The following EEF1E1 variants were observed in gnomAD, a reference collection of about 807,000 sequenced individuals.
The protein encoded by EEF1E1 is eukaryotic translation elongation factor 1 epsilon 1, also known as eukaryotic translation elongation factor 1 epsilon-1.
Under a neutral mutation model 19.9 loss-of-function variants are expected in EEF1E1, and 19 were observed. The ratio of observed to expected loss-of-function variants is 0.95; its 90% CI spans 0.66 to 1.40. EEF1E1 has a LOEUF of 1.40. EEF1E1 is among the 40% of genes most tolerant of loss of function. The pLI is 0.00. For synonymous variants in EEF1E1, 81 were observed against 80.0 expected (o/e 1.01, Z -0.07); for missense variants, 198 against 202.2 (o/e 0.98, Z 0.13).
intron 2 of EEF1E1, 83 bp downstream of exon 2, chr6:8,097,182 AAC>A: frequency 7.3e-7 from 1 of 1,376,070 alleles, no homozygotes; most frequent in Non-Finnish European, 1.0e-6. Context: ...GAAGAAGGCC[AAC>A]AGCTACAGCT....
intron 3 of EEF1E1, among the ~76,000 whole-genome samples, chr6:8,084,211 T>C (rs1383832721): frequency 1.3e-5 from 2 of 152,230 alleles, no homozygotes; most frequent in East Asian, 3.8e-4. Context: ...TGTAAACACA[T>C]ACAGAATGCT....
rs930078305 is a variant in EEF1E1, at chr6:8,073,379, T to C, written c.*96A>G. ...CACAAGTTAATTAAGCAGAATTTTA[T>C]GGCACTCCATGTAGAGTAGTTTACA... On this transcript the variant is annotated 3_prime_UTR_variant, in exon 4 of 4. Coordinates refer to the EEF1E1 transcript ENST00000429723. 2.0e-6 allele frequency: 3 copies of C among 1,476,836 alleles called. No individual in the cohort carries two copies. The African/African-American group carries it at 4.3e-5, about 21-fold the overall frequency. The allele number at this position is 1,476,836 out of a possible 1,614,324, so 91.5% of individuals were successfully genotyped here.
intron 1 of EEF1E1, among the ~76,000 whole-genome samples, chr6:8,098,815 G>C (rs1758246334): frequency 6.6e-6 from 1 of 152,150 alleles, no homozygotes; most frequent in South Asian, 2.1e-4. Flanking sequence ...GAGGAAAAAA[G>C]AGAAATCAAG....
chr6:8,099,788 ACAC>A lies in EEF1E1; in HGVS notation c.88-2324_88-2322del, dbSNP rs1427756007. 4.2e-3 allele frequency among the ~76,000 whole-genome samples: 518 copies of A among 124,422 alleles called. 18 individuals carry two copies. The highest frequency in any genetic ancestry group is 0.012 in the African/African-American group (367 of 29,756). The allele number at this position is 124,422 out of a possible 152,430, so 81.6% of individuals were successfully genotyped here. On this transcript the variant is annotated intron_variant, in intron 1 of 3. Transcript: ENST00000379715. ...CACACACACACACACACACACACAC[ACAC>A]AAAAAAAAAACAGAACCCTCTATAA...
In EEF1E1 at chr6:8,097,290, T is replaced by C; in HGVS notation, c.265A>G (p.Asn89Asp). 1 of 1,614,178 alleles carries C rather than the reference T, an allele frequency of 6.2e-7. No individual in the cohort carries two copies. Among genetic ancestry groups the C allele is most frequent in the South Asian group, 1.1e-5 (1 of 91,088 alleles). The change falls in exon 2 of 4, where the codon AAT becomes GAT. Residue 89 changes from asparagine (N) to aspartate (D), a missense_variant. Coordinates refer to ENST00000379715, the MANE Select transcript of EEF1E1 (RefSeq NM_004280.5). ...VTQVDGHSSK[N>D]DIHTLLKDLN... ...ACCTTCAACAGTGTGTGGATGTCAT[T>C]TTTACTGGAGTGCCCATCTACTTGA...
In EEF1E1 at chr6:8,090,337, T is replaced by C. The variant is rs1171453802; in HGVS notation, c.289-56A>G. On this transcript the variant is annotated intron_variant, in intron 2 of 3. Coordinates refer to ENST00000379715, the MANE Select transcript of EEF1E1 (RefSeq NM_004280.5). ...ATGTAAAAAACAGTAATAATAAAGT[T>C]AATTATCATATCATGACTTAAAAGA... 17 of 1,224,212 alleles carry C rather than the reference T, an allele frequency of 1.4e-5. No homozygotes were observed. In the Admixed American group the frequency reaches 1.6e-4, roughly 12 times the overall value. 75.8% of individuals were successfully genotyped at this position (1,224,212 alleles called of 1,614,324 possible). A position where few individuals can be genotyped will look rare whatever the true frequency, so the allele number is the denominator to read the frequency against.
At chr6:8,076,660 T>G (rs1254040677), downstream of EEF1E1, among the ~76,000 whole-genome samples, 3 of 152,216 alleles carry the variant, frequency 2.0e-5, no homozygotes. Flanking sequence ...ACTTGAAAGT[T>G]GAAATTATTC....
intron 2 of EEF1E1, among the ~76,000 whole-genome samples, chr6:8,092,869 C>CTTTTTTTTTTTTT (rs942764776): frequency 1.1e-5 from 1 of 93,772 alleles, no homozygotes; most frequent in Non-Finnish European, 2.0e-5. Flanking sequence ...ATAAAGACTG[C>CTTTTTTTTTTTTT]TTTTTTTTTT....
intron 3 of EEF1E1, among the ~76,000 whole-genome samples, chr6:8,087,227 G>C (rs1403856639): frequency 6.6e-6 from 1 of 152,166 alleles, no homozygotes. Context: ...GCAGGAGTCA[G>C]ATGAATTAAG....
intron 3 of EEF1E1, 163 bp downstream of exon 3, chr6:8,090,023 G>A (rs1338943579): frequency 2.3e-6 from 1 of 433,794 alleles, no homozygotes; most frequent in African/African-American, 2.0e-5. Flanking sequence ...GGGTACATGT[G>A]CACAACGTGC....
Position 8,092,869 on chromosome 6 carries a change from C to CT in EEF1E1, c.289-2589dup, listed in dbSNP as rs942764776. 5.6e-3 allele frequency among the ~76,000 whole-genome samples: 525 copies of CT among 93,514 alleles called. 19 individuals are homozygous for CT. The highest frequency in any genetic ancestry group is 0.031 in the East Asian group (68 of 2,208). The allele number at this position is 93,514 out of a possible 152,430, so 61.3% of individuals were successfully genotyped here. On this transcript the variant is annotated intron_variant, in intron 2 of 3. Transcript: ENST00000379715. ...TTTTGTGTTTTAGTGATAAAGACTG[C>CT]TTTTTTTTTTTTTTTTTTTTTTTGA...
At chr6:8,078,427 A>AACAAAGATC (rs1279674068), downstream of EEF1E1, 9 of 187,196 alleles carry the variant, frequency 4.8e-5, no homozygotes, top group Non-Finnish European at 1.0e-4. Context: ...TAACAATAGT[A>AACAAAGATC]ACAAAGATCA....
intron 3 of EEF1E1, among the ~76,000 whole-genome samples, chr6:8,084,592 C>G (rs1757800124): frequency 6.6e-6 from 1 of 152,204 alleles, no homozygotes; most frequent in Non-Finnish European, 1.5e-5. Context: ...CAAGCAAGAT[C>G]TTGTGGGTCT....
At chr6:8,077,691 G>A (rs985031984), downstream of EEF1E1, among the ~76,000 whole-genome samples, 1 of 152,192 alleles carries the variant, frequency 6.6e-6, no homozygotes, top group Non-Finnish European at 1.5e-5. Flanking sequence ...GAATGTTGTG[G>A]CTGGTTTCAT....
At chr6:8,082,160 C>T (rs1162868617) in intron 3 of EEF1E1, among the ~76,000 whole-genome samples, 1 of 152,198 alleles carries the variant, frequency 6.6e-6, no homozygotes, top group African/African-American at 2.4e-5. Context: ...CCAACTTAAA[C>T]ATTTTACATT....
At chr6:8,085,425 T>C (rs1319295162) in intron 3 of EEF1E1, among the ~76,000 whole-genome samples, 1 of 152,120 alleles carries the variant, frequency 6.6e-6, no homozygotes, top group African/African-American at 2.4e-5. Flanking sequence ...AGTGCTGGGA[T>C]TACAGGCATG....
chr6:8,077,434 T>C (rs1757626732), downstream of EEF1E1, among the ~76,000 whole-genome samples: 1 of 152,238 alleles, frequency 6.6e-6, no homozygotes, highest in South Asian at 2.1e-4. Flanking sequence ...GTTAATAGGC[T>C]GTTTCATATA....
chr6:8,080,307 G>T (rs1757695053), intron 3 of EEF1E1, among the ~76,000 whole-genome samples: 1 of 152,164 alleles, frequency 6.6e-6, no homozygotes, highest in African/African-American at 2.4e-5. Flanking sequence ...ATTAACTGAG[G>T]ATTTGGAGGT....
intron 2 of EEF1E1, among the ~76,000 whole-genome samples, chr6:8,096,835 G>T (rs1334487912): frequency 6.6e-6 from 1 of 151,994 alleles, no homozygotes; most frequent in East Asian, 1.9e-4. Flanking sequence ...AGATCAGACA[G>T]TTTTTTTCAA....
Sources: allele counts gnomAD v4.1 joint callset (sites outside exome capture counted in the v4.1 genomes callset), GRCh38; gene constraint gnomAD v4.1.1; transcripts MANE v1.5; gene names NCBI Gene and HGNC (gene_info 2026-07-23, HGNC 2026-07-21).